ABCG8: variants seen among roughly 807,000 people sequenced by gnomAD.
ABCG8 encodes ATP binding cassette subfamily G member 8.
In ABCG8, 81 loss-of-function variants were observed where a neutral mutation model predicts 71.3. The ratio of observed to expected loss-of-function variants is 1.14; its 90% CI spans 0.95 to 1.37. ABCG8 has a LOEUF of 1.37. Ranked by LOEUF, ABCG8 falls within the 40% of genes most tolerant of loss-of-function variation. The pLI is 0.00. For synonymous variants in ABCG8, 451 were observed against 354.7 expected (o/e 1.27, Z -3.05); for missense variants, 1,119 against 866.2 (o/e 1.29, Z -3.66).
chr2:43,876,451 G>A (rs759038314), intron 11 of ABCG8, among the ~76,000 whole-genome samples: 1 of 151,514 alleles, frequency 6.6e-6, no homozygotes, highest in Admixed American at 6.6e-5. Context: ...AGACTGTGTC[G>A]ATATAAAGGA....
At position 43,852,648 on chromosome 2, in the gene ABCG8, C is replaced by G; in HGVS notation, c.744C>G (p.Ala248=). ...EPTSGLDSFT[A]HNLVKTLSRL... is the part of the protein sequence containing the mutation. ...CCTCTGGGCTCGACAGCTTCACAGC[C>G]CACAACCTGGTGAAGACCTTGTCCA... is the stretch of plus-strand genomic sequence containing the variant. The change falls in exon 6 of 13, where the codon GCC becomes GCG. Residue 248 remains alanine (A), a synonymous_variant. Transcript: ENST00000272286. 2.5e-6 allele frequency: 4 copies of G among 1,614,162 alleles called. No individual in the cohort carries two copies. Among genetic ancestry groups the G allele is most frequent in the Non-Finnish European group, 3.4e-6 (4 of 1,180,034 alleles).
chr2:43,877,268 G>C (rs59488407), intron 11 of ABCG8, among the ~76,000 whole-genome samples: 1 of 151,514 alleles, frequency 6.6e-6, no homozygotes, highest in East Asian at 2.0e-4. Flanking sequence ...AGGAGACCGT[G>C]GGAATATGGG....
rs931732443 is a variant in ABCG8 at position 43,881,389 on chromosome 2, C to A, written c.*3476C>A. ...GGTCTGTTTTGTTTAAAATGCTCTT[C>A]AAGGCATTGTGAGGCCAGGAAAACA... On this transcript the variant is annotated 3_prime_UTR_variant, in exon 13 of 13. Transcript: ENST00000272286. 2.0e-5 allele frequency: 3 copies of A among 152,202 alleles called. No homozygotes were observed. The highest frequency in any genetic ancestry group is 4.8e-5 in the African/African-American group (2 of 41,438). The allele number at this position is 152,202 out of a possible 1,614,324, so 9.4% of individuals were successfully genotyped here.
At chr2:43,850,486 A>G (rs1668878719) in intron 3 of ABCG8, among the ~76,000 whole-genome samples, 1 of 152,214 alleles carries the variant, frequency 6.6e-6, no homozygotes, top group African/African-American at 2.4e-5. Flanking sequence ...TTGGGGATGC[A>G]CAAGTAGGTT....
intron 6 of ABCG8, among the ~76,000 whole-genome samples, chr2:43,856,783 TCTCA>T (rs1454304635): frequency 2.6e-5 from 4 of 151,616 alleles, no homozygotes; most frequent in African/African-American, 9.7e-5. Context: ...TAGATAAAAC[TCTCA>T]CTATCTATCT....
intron 6 of ABCG8, among the ~76,000 whole-genome samples, chr2:43,863,742 C>G (rs1049085882): frequency 6.6e-6 from 1 of 151,596 alleles, no homozygotes; most frequent in Admixed American, 6.6e-5. Flanking sequence ...CTCTCACTAT[C>G]TGTCTGGATA....
At chr2:43,846,452 G>A in intron 3 of ABCG8, 141 bp downstream of exon 3, 1 of 1,264,684 alleles carries the variant, frequency 7.9e-7, no homozygotes, top group Non-Finnish European at 1.1e-6. Context: ...CAGGTTCTGG[G>A]TCAGACAGAC....
chr2:43,850,018 G>A (rs1303137309), intron 3 of ABCG8, among the ~76,000 whole-genome samples: 1 of 152,084 alleles, frequency 6.6e-6, no homozygotes, highest in Non-Finnish European at 1.5e-5. Context: ...TGGCCAACAT[G>A]GTGAAACCCC....
In ABCG8 at chr2:43,874,390, T is replaced by C. The variant is rs770992937; in HGVS notation, c.1412-17T>C. The C allele has an allele frequency of 2.6e-6, 4 of 1,566,434 alleles. No individual in the cohort carries two copies. Among genetic ancestry groups the C allele is most frequent in the South Asian group, 1.1e-5 (1 of 89,820 alleles). ...ATTCTACTTCTTCATTCTCTTTTCCTTTCCCTTACTTTTTAGGTTACTCAG... is the reference window on the plus strand; with the variant it reads ...ATTCTACTTCTTCATTCTCTTTTCCCTTCCCTTACTTTTTAGGTTACTCAG... On this transcript the variant is annotated splice_polypyrimidine_tract_variant and intron_variant, in intron 9 of 12. Coordinates refer to ENST00000272286, the MANE Select transcript of ABCG8 (RefSeq NM_022437.3).
chr2:43,852,235 T>G, intron 4 of ABCG8, 119 bp from the exon 5 acceptor site: 1 of 1,381,732 alleles, frequency 7.2e-7, no homozygotes, highest in Non-Finnish European at 1.0e-6. Context: ...GTGCTGGAGC[T>G]GTCTCCCTTC....
chr2:43,873,908 T>G lies in ABCG8; in HGVS notation c.1333T>G (p.Phe445Val), dbSNP rs376492876. 5 of 1,614,188 alleles carry G rather than the reference T, an allele frequency of 3.1e-6. No individual in the cohort carries two copies. In the Middle Eastern group the frequency reaches 4.9e-4, roughly 160 times the overall value. The change falls in exon 9 of 13, where the codon TTC becomes GTC. Residue 445 changes from phenylalanine to valine, a missense_variant. Phe to Val is a conservative substitution (Grantham distance 50). Transcript: ENST00000272286. ...YFGHGSIQLS[F>V]MDTAALLFMI... ...TGGCCATGGGAGCATCCAGCTCTCC[T>G]TCATGGATACAGCCGCCCTCTTGTT...
rs749564472 is a variant in ABCG8 at position 43,852,826 on chromosome 2, G to T, written c.922G>T (p.Gly308Cys). ...QHMVQYFTAI[G>C]YPCPRYSNPA... ...CATGGTCCAGTATTTCACAGCCATC[G>T]GCTACCCCTGTCCTCGCTACAGCAA... The change falls in exon 6 of 13, where the codon GGC becomes TGC. Residue 308 changes from glycine to cysteine, a missense_variant. Physicochemically the swap from Gly to Cys is radical, Grantham distance 159 (BLOSUM62 -3). Coordinates refer to ENST00000272286, the MANE Select transcript of ABCG8 (RefSeq NM_022437.3). 3.7e-6 allele frequency: 6 copies of T among 1,613,962 alleles called. No individual in the cohort carries two copies. The highest frequency in any genetic ancestry group is 1.6e-4 in the Middle Eastern group (1 of 6,084).
intron 6 of ABCG8, among the ~76,000 whole-genome samples, chr2:43,860,806 A>G (rs1388576825): frequency 1.1e-4 from 15 of 136,786 alleles, no homozygotes; most frequent in Non-Finnish European, 2.4e-4. Flanking sequence ...CTCTGGATAG[A>G]ACTGTCACTA....
At chr2:43,872,864 G>A (rs1223046143) in intron 8 of ABCG8, among the ~76,000 whole-genome samples, 2 of 152,158 alleles carry the variant, frequency 1.3e-5, no homozygotes, top group Non-Finnish European at 2.9e-5. Context: ...GGAGACAATA[G>A]GAGAGAATCT....
At chr2:43,847,184 A>G (rs1170836507) in intron 3 of ABCG8, 1 of 152,186 alleles carries the variant, frequency 6.6e-6, no homozygotes. Context: ...TGCTGGAGAG[A>G]GCATTTTATA....
chr2:43,872,047 G>A lies in ABCG8; in HGVS notation c.1036G>A (p.Ala346Thr), dbSNP rs759654526. ...LATREKAQSL[A>T]ALFLEKVRDL... ...CACCAGGGAGAAGGCTCAGTCACTC[G>A]CAGCCCTGTTTCTAGAAAAAGTGCG... Residue 346 changes from alanine to threonine, a missense_variant, in exon 7 of 13, where the codon GCA becomes ACA. By Grantham distance (58) the Ala-to-Thr change is moderately conservative. Transcript: ENST00000272286. 9.9e-6 allele frequency: 16 copies of A among 1,613,968 alleles called. No individual in the cohort carries two copies. Among genetic ancestry groups the A allele is most frequent in the Middle Eastern group, 1.6e-4 (1 of 6,084 alleles).
In ABCG8 at chr2:43,852,618, A is replaced by G. The variant is rs1326764043; in HGVS notation, c.714A>G (p.Glu238=). 4 of 1,613,954 alleles carry G rather than the reference A, an allele frequency of 2.5e-6. No homozygotes were observed. Among genetic ancestry groups the G allele is most frequent in the African/African-American group, 1.3e-5 (1 of 74,898 alleles). ...LWNPGILILD[E]PTSGLDSFTA... ...GGAAAGGAATCCTTATTCTCGACGA[A>G]CCCACCTCTGGGCTCGACAGCTTCA... Residue 238 remains glutamate (E), a synonymous_variant, in exon 6 of 13, where the codon GAA becomes GAG. Coordinates refer to ENST00000272286, the MANE Select transcript of ABCG8 (RefSeq NM_022437.3).
intron 6 of ABCG8, among the ~76,000 whole-genome samples, chr2:43,866,689 G>A (rs1245800405): frequency 2.0e-5 from 3 of 151,994 alleles, no homozygotes; most frequent in South Asian, 2.1e-4. Context: ...TAAGAAGTCA[G>A]GAAACAACAG....
chr2:43,855,171 T>C (rs1236163991), intron 6 of ABCG8, among the ~76,000 whole-genome samples: 3 of 152,198 alleles, frequency 2.0e-5, no homozygotes, highest in Non-Finnish European at 4.4e-5. Flanking sequence ...TCTCAATATC[T>C]ATCTGGATAT....
Sources: allele counts gnomAD v4.1 joint callset (sites outside exome capture counted in the v4.1 genomes callset), GRCh38; gene constraint gnomAD v4.1.1; transcripts MANE v1.5; gene names NCBI Gene and HGNC (gene_info 2026-07-23, HGNC 2026-07-21).